The following RNF17 variants were observed in gnomAD, a reference collection of about 807,000 sequenced individuals.
The protein encoded by RNF17 is ring finger protein 17.
In RNF17, 31 loss-of-function variants were observed where a neutral mutation model predicts 200.5. That is an observed-to-expected ratio of 0.15 (90% CI 0.12 to 0.21). The LOEUF is 0.21. RNF17 is among the 10% of genes least tolerant of loss of function. The pLI is 1.00. For missense variants in RNF17, 1,628 were observed against 1,905.1 expected, an observed-to-expected ratio of 0.85 and a Z score of 2.71; for synonymous variants, 606 against 637.8, an observed-to-expected ratio of 0.95 and a Z score of 0.75.
intron 35 of RNF17, 95 bp downstream of exon 35, chr13:24,879,390 C>A: frequency 1.3e-6 from 1 of 782,488 alleles, no homozygotes; most frequent in Non-Finnish European, 2.1e-6. Context: ...TCCTTGATTT[C>A]TCAAAGGAAT....
At chr13:24,797,157 G>A (rs1593275442) in intron 11 of RNF17, among the ~76,000 whole-genome samples, 1 of 152,150 alleles carries the variant, frequency 6.6e-6, no homozygotes, top group Non-Finnish European at 1.5e-5. Flanking sequence ...TTCAGTTTTT[G>A]TGGTTGCAAA....
At chr13:24,802,988 A>G (rs967590455) in intron 14 of RNF17, among the ~76,000 whole-genome samples, 3 of 152,172 alleles carry the variant, frequency 2.0e-5, no homozygotes, top group African/African-American at 7.2e-5. Flanking sequence ...TGAGCCCAGG[A>G]GTTCGAGCTA....
intron 5 of RNF17, among the ~76,000 whole-genome samples, chr13:24,781,371 C>T (rs1882348356): frequency 6.6e-6 from 1 of 152,020 alleles, no homozygotes; most frequent in Non-Finnish European, 1.5e-5. Context: ...GTGGCTCACA[C>T]CTGTAATCCC....
chr13:24,811,281 A>G (rs1315667280), intron 15 of RNF17, among the ~76,000 whole-genome samples: 5 of 151,742 alleles, frequency 3.3e-5, no homozygotes, highest in African/African-American at 9.7e-5. Context: ...AGGTACACCA[A>G]TCAGACATAG....
chr13:24,839,498 G>T lies in RNF17; in HGVS notation c.2483-2543G>T, dbSNP rs961458252. ...GATTTCAAACTATACTATAAGGCCA[G>T]TCACCAAAACAGTGTGGTACTGGTA... On this transcript the variant is annotated intron_variant, in intron 18 of 35. Coordinates refer to ENST00000255324, the MANE Select transcript of RNF17 (RefSeq NM_031277.3). Among the ~76,000 whole-genome samples, 3 of 152,104 alleles carry T rather than the reference G, an allele frequency of 2.0e-5. No homozygotes were observed. The East Asian group carries it at 5.8e-4, about 29-fold the overall frequency.
At chr13:24,799,680 T>A in intron 12 of RNF17, 96 bp downstream of exon 12, 1 of 700,850 alleles carries the variant, frequency 1.4e-6, no homozygotes, top group Non-Finnish European at 2.4e-6. Flanking sequence ...TAGAGAGGAG[T>A]AATTTGTCAT....
chr13:24,750,015 G>A, the RNF17 span, among the ~76,000 whole-genome samples: 1 of 152,174 alleles, frequency 6.6e-6, no homozygotes, highest in Non-Finnish European at 1.5e-5. Flanking sequence ...GCCTCCCGAA[G>A]TGCTGGGATT....
chr13:24,814,300 A>G (rs1431214793), intron 15 of RNF17, among the ~76,000 whole-genome samples: 1 of 152,174 alleles, frequency 6.6e-6, no homozygotes, highest in Non-Finnish European at 1.5e-5. Context: ...GGCGTGTTCC[A>G]AGGCTGGCTG....
Position 24,764,344 on chromosome 13 carries a change from C to T in RNF17, c.130+11C>T. 1.3e-6 allele frequency: 2 copies of T among 1,582,376 alleles called. No homozygotes were observed. The highest frequency in any genetic ancestry group is 1.7e-6 in the Non-Finnish European group (2 of 1,162,038). ...TATCCAGATCATCCGGTGAGGAGCC[C>T]AAGGGCCCACCTAGCGGGGAGGCAG... On this transcript the variant is annotated intron_variant, in intron 1 of 35. Transcript: ENST00000255324.
chr13:24,822,026 G>C (rs1008614682), intron 15 of RNF17, among the ~76,000 whole-genome samples: 2 of 152,182 alleles, frequency 1.3e-5, no homozygotes. Context: ...AAGACTGGCT[G>C]GAGGTGGATG....
chr13:24,865,104 C>A, intron 29 of RNF17, 106 bp downstream of exon 29: 10 of 831,224 alleles, frequency 1.2e-5, no homozygotes, highest in Admixed American at 2.8e-5. Context: ...CATATCTGAT[C>A]TATTAAGAGA....
At chr13:24,757,840 A>G in the RNF17 span, among the ~76,000 whole-genome samples, 2 of 152,110 alleles carry the variant, frequency 1.3e-5, no homozygotes, top group African/African-American at 2.4e-5. Context: ...TTCACTTTTT[A>G]TATGGTTTTG....
chr13:24,865,105 T>C (rs1893483882), intron 29 of RNF17, 107 bp downstream of exon 29: 2 of 827,608 alleles, frequency 2.4e-6, no homozygotes, highest in Admixed American at 2.8e-5. Flanking sequence ...ATATCTGATC[T>C]ATTAAGAGAG....
At chr13:24,879,003 A>C (rs951899866) in intron 34 of RNF17, among the ~76,000 whole-genome samples, 184 bp from the exon 35 acceptor site, 1 of 152,228 alleles carries the variant, frequency 6.6e-6, no homozygotes, top group Non-Finnish European at 1.5e-5. Flanking sequence ...TAAAGAGAGC[A>C]GAAGAATGGA....
At chr13:24,861,444 AT>A in intron 27 of RNF17, 57 bp downstream of exon 27, 1 of 1,173,634 alleles carries the variant, frequency 8.5e-7, no homozygotes, top group Non-Finnish European at 1.2e-6. Context: ...TTTATTAATA[AT>A]TTTTTAGAAA....
At chr13:24,766,181 G>A (rs1340240436) in intron 1 of RNF17, among the ~76,000 whole-genome samples, 2 of 152,248 alleles carry the variant, frequency 1.3e-5, no homozygotes, top group Admixed American at 6.5e-5. Flanking sequence ...AGTGAACCGA[G>A]ATCGTGGTCC....
At chr13:24,756,285 T>C in the RNF17 span, among the ~76,000 whole-genome samples, 2 of 152,180 alleles carry the variant, frequency 1.3e-5, no homozygotes, top group Non-Finnish European at 2.9e-5. Context: ...TATGAATATA[T>C]AAAACATCAA....
At chr13:24,774,586 A>G (rs1428237560) in intron 2 of RNF17, among the ~76,000 whole-genome samples, 1 of 152,246 alleles carries the variant, frequency 6.6e-6, no homozygotes, top group Non-Finnish European at 1.5e-5. Context: ...GTTTTGGTTA[A>G]TTAACTAAAA....
intron 13 of RNF17, among the ~76,000 whole-genome samples, chr13:24,802,016 T>C (rs1041227011): frequency 6.6e-6 from 1 of 152,146 alleles, no homozygotes; most frequent in Non-Finnish European, 1.5e-5. Context: ...AGATGGAGTC[T>C]TGTTCTGTCG....
Sources: gnomAD v4.1 joint callset for allele counts (sites outside exome capture counted in the v4.1 genomes callset) on GRCh38, gnomAD v4.1.1 for gene constraint, MANE v1.5 for transcripts, NCBI Gene and HGNC (gene_info 2026-07-23, HGNC 2026-07-21) for gene names.